USH2A: variants seen among roughly 807,000 people sequenced by gnomAD.
USH2A encodes the protein Usher syndrome 2A (autosomal recessive, mild).
USH2A carries 443 observed loss-of-function variants against 538.9 expected under a neutral mutation model. The ratio of observed to expected loss-of-function variants is 0.82; its 90% confidence interval spans 0.76 to 0.89. The LOEUF (loss-of-function observed/expected upper bound fraction) is 0.89. Ranked by LOEUF, USH2A falls within the 40% of genes least tolerant of loss-of-function variation. The probability of loss-of-function intolerance (pLI) is 0.00; values close to 1 mark genes in which losing one functional copy is unlikely to be tolerated. For synonymous variants in USH2A, 2,413 were observed against 2,273.5 expected (o/e 1.06, Z -1.75); for missense variants, 6,633 against 6,324.8 (o/e 1.05, Z -1.65).
chr1:215,978,504 C>A (rs971538013), intron 35 of USH2A, among the ~76,000 whole-genome samples: 1 of 152,076 alleles, frequency 6.6e-6, no homozygotes, highest in Non-Finnish European at 1.5e-5. Context: ...GAAAGTCAAT[C>A]AAGTGCAAAG....
chr1:215,782,244 A>T, intron 53 of USH2A, 48 bp from the exon 54 acceptor site: 2 of 1,593,278 alleles, frequency 1.3e-6, no homozygotes, highest in Non-Finnish European at 1.7e-6. Flanking sequence ...TATCATTTTA[A>T]CTATTTGCAA....
intron 4 of USH2A, among the ~76,000 whole-genome samples, chr1:216,343,974 T>C (rs1571722563): frequency 6.6e-6 from 1 of 152,032 alleles, no homozygotes; most frequent in African/African-American, 2.4e-5. Flanking sequence ...AGCCATTCTT[T>C]ATTCCTTTAC....
intron 47 of USH2A, among the ~76,000 whole-genome samples, chr1:215,819,348 C>A (rs1405830680): frequency 1.3e-5 from 2 of 151,558 alleles, no homozygotes; most frequent in African/African-American, 4.8e-5. Context: ...CAATGAAGCC[C>A]AAATATTTAT....
At chr1:216,187,237 A>G (rs796355748) in intron 20 of USH2A, among the ~76,000 whole-genome samples, 16 of 151,986 alleles carry the variant, frequency 1.1e-4, no homozygotes, top group African/African-American at 3.6e-4. Flanking sequence ...CACAGCCCTT[A>G]GCACATGTCG....
At chr1:215,673,332 T>C (rs906709615) in intron 63 of USH2A, among the ~76,000 whole-genome samples, 1 of 152,232 alleles carries the variant, frequency 6.6e-6, no homozygotes, top group Non-Finnish European at 1.5e-5. Context: ...CAACACTCTT[T>C]CAGCCTTTAA....
chr1:216,171,284 G>A (rs1174617469), intron 21 of USH2A, among the ~76,000 whole-genome samples: 3 of 151,910 alleles, frequency 2.0e-5, no homozygotes, highest in African/African-American at 7.3e-5. Context: ...GAATTTTAGA[G>A]GTTAGAACAT....
chr1:215,835,906 G>A (rs1663465632), intron 47 of USH2A, among the ~76,000 whole-genome samples: 1 of 151,656 alleles, frequency 6.6e-6, no homozygotes, highest in African/African-American at 2.4e-5. Context: ...CCTTGTTCTT[G>A]TTGTATAATA....
intron 17 of USH2A, 25 bp downstream of exon 17, chr1:216,199,602 G>T (rs568837552): frequency 6.2e-7 from 1 of 1,613,422 alleles, no homozygotes; most frequent in Non-Finnish European, 8.5e-7. Flanking sequence ...GACCAAAAAG[G>T]GGAATCTCAG....
intron 47 of USH2A, among the ~76,000 whole-genome samples, chr1:215,836,488 T>TATTA (rs1553267731): frequency 4.8e-5 from 1 of 20,812 alleles, no homozygotes; most frequent in Non-Finnish European, 8.9e-5. Context: ...ATAATATATA[T>TATTA]TATATATATA....
intron 30 of USH2A, among the ~76,000 whole-genome samples, chr1:216,065,482 A>G (rs1425149043): frequency 6.6e-6 from 1 of 152,244 alleles, no homozygotes; most frequent in Non-Finnish European, 1.5e-5. Context: ...AAAAATGCAA[A>G]TCAAAATTTT....
chr1:216,239,433 T>A (rs921544197), intron 13 of USH2A, among the ~76,000 whole-genome samples: 12 of 152,206 alleles, frequency 7.9e-5, no homozygotes, highest in African/African-American at 2.9e-4. Flanking sequence ...TAGGGAGCAC[T>A]GCTATGGAGG....
chr1:216,297,476 T>C (rs191493645), intron 9 of USH2A, among the ~76,000 whole-genome samples: 3 of 152,174 alleles, frequency 2.0e-5, no homozygotes, highest in East Asian at 3.9e-4. Context: ...TGGTAATATA[T>C]AAATAATGCC....
chr1:216,169,515 A>G lies in USH2A; in HGVS notation c.4627+5737T>C, dbSNP rs138750216. Among the ~76,000 whole-genome samples, 318 of 152,248 alleles carry G rather than the reference A, an allele frequency of 2.1e-3. 1 individual carries two copies. Among genetic ancestry groups the G allele is most frequent in the African/African-American group, 7.4e-3 (308 of 41,562 alleles). Reference sequence around the variant, plus strand: ...ACCTGAAGGCATTTCCTGAGAACTTACTTATACCTCTCTACTAAATATAAT... The same window carrying G: ...ACCTGAAGGCATTTCCTGAGAACTTGCTTATACCTCTCTACTAAATATAAT... On this transcript the variant is annotated intron_variant, in intron 21 of 71. Coordinates refer to ENST00000307340, the MANE Select transcript of USH2A (RefSeq NM_206933.4).
At chr1:216,022,923 G>C (rs1296989510) in intron 32 of USH2A, among the ~76,000 whole-genome samples, 2 of 152,120 alleles carry the variant, frequency 1.3e-5, no homozygotes, top group Non-Finnish European at 2.9e-5. Context: ...TGTTTATCCA[G>C]AGAAGGGACA....
At chr1:215,982,054 A>C (rs1311015557) in intron 35 of USH2A, among the ~76,000 whole-genome samples, 1 of 152,210 alleles carries the variant, frequency 6.6e-6, no homozygotes, top group Non-Finnish European at 1.5e-5. Context: ...CTGTTCTGGG[A>C]ACTATTTCAA....
chr1:216,202,669 C>G (rs1288301416), intron 16 of USH2A, among the ~76,000 whole-genome samples: 3 of 152,164 alleles, frequency 2.0e-5, no homozygotes, highest in Non-Finnish European at 4.4e-5. Context: ...GTAGCACTCC[C>G]CCATTGTACC....
intron 11 of USH2A, among the ~76,000 whole-genome samples, chr1:216,266,248 G>A (rs1268720790): frequency 5.3e-5 from 8 of 151,942 alleles, no homozygotes; most frequent in African/African-American, 1.9e-4. Context: ...CATGCTGGTG[G>A]AAAAACCCAG....
chr1:215,718,077 A>T (rs1659536598), intron 61 of USH2A, among the ~76,000 whole-genome samples: 2 of 152,214 alleles, frequency 1.3e-5, no homozygotes, highest in African/African-American at 4.8e-5. Context: ...CTTCAAGTCC[A>T]TAGATATGAT....
chr1:215,678,176 C>T (rs1268584162), intron 62 of USH2A, among the ~76,000 whole-genome samples: 1 of 152,318 alleles, frequency 6.6e-6, no homozygotes, highest in East Asian at 1.9e-4. Context: ...CTTATATAGT[C>T]CATTTTCCAC....
Sources: allele counts gnomAD v4.1 joint callset (sites outside exome capture counted in the v4.1 genomes callset), GRCh38; gene constraint gnomAD v4.1.1; transcripts MANE v1.5; gene names NCBI Gene and HGNC (gene_info 2026-07-23, HGNC 2026-07-21).